Variants in PDE4D observed in about 807,000 individuals in gnomAD.
The protein encoded by PDE4D is phosphodiesterase 4D.
Under a neutral mutation model 87.4 loss-of-function variants are expected in PDE4D, and 24 were observed. That is an observed-to-expected ratio of 0.27 (90% CI 0.20 to 0.39). The LOEUF (loss-of-function observed/expected upper bound fraction) is 0.39, where lower values mean the gene tolerates loss of function less well. Ranked by LOEUF, PDE4D falls within the 10% of genes least tolerant of loss-of-function variation. The probability of loss-of-function intolerance (pLI) is 1.00; values close to 1 mark genes in which losing one functional copy is unlikely to be tolerated. For missense variants in PDE4D, 714 were observed against 1,041.0 expected, an observed-to-expected ratio of 0.69 and a Z score of 4.32; for synonymous variants, 384 against 383.2, an observed-to-expected ratio of 1.00 and a Z score of -0.02.
chr5:59,445,848 T>A lies in PDE4D; in HGVS notation c.456-229880A>T, dbSNP rs561610948. 2.6e-5 allele frequency among the ~76,000 whole-genome samples: 4 copies of A among 152,318 alleles called. No homozygotes were observed. In the East Asian group the frequency reaches 5.8e-4, roughly 22 times the overall value. ...GCCTCACAATATAATTTCTTTTTGA[T>A]GGCTAGAAATACTAAAGAAGAAGAA... On this transcript the variant is annotated intron_variant, in intron 1 of 14. Transcript: ENST00000340635.
chr5:59,807,753 T>C (rs952105442), intron 1 of PDE4D, among the ~76,000 whole-genome samples: 1 of 152,252 alleles, frequency 6.6e-6, no homozygotes, highest in African/African-American at 2.4e-5. Context: ...TAGGCTTAAG[T>C]TGTCAAGGAA....
intron 1 of PDE4D, among the ~76,000 whole-genome samples, chr5:59,360,712 T>C (rs1270330905): frequency 6.6e-6 from 1 of 152,208 alleles, no homozygotes; most frequent in Non-Finnish European, 1.5e-5. Flanking sequence ...TTCTAAACCT[T>C]ATATGAGTCT....
chr5:59,425,719 T>C (rs1033608314), intron 1 of PDE4D, among the ~76,000 whole-genome samples: 47 of 152,316 alleles, frequency 3.1e-4, no homozygotes, highest in Non-Finnish European at 6.0e-4. Flanking sequence ...GTACAGAAAA[T>C]GGGACGTATT....
In PDE4D at chr5:60,061,445, T is replaced by C. The variant is rs142735712; in HGVS notation, c.43-72728A>G. Among the ~76,000 whole-genome samples the C allele has an allele frequency of 7.2e-3, 1,098 of 152,064 alleles. 11 individuals carry two copies. The highest frequency in any genetic ancestry group is 0.025 in the African/African-American group (1,046 of 41,460). ...GGAAATAAGAGAGGACACAAACAAA[T>C]GGAAAAACATCCCATGCTCATGGAT... On this transcript the variant is annotated intron_variant, in intron 2 of 16. Coordinates refer to the PDE4D transcript ENST00000502484.
intron 12 of PDE4D, 127 bp downstream of exon 12, chr5:58,977,064 T>C: frequency 1.2e-6 from 1 of 827,966 alleles, no homozygotes; most frequent in East Asian, 2.5e-5. Context: ...GCAGCTTCTA[T>C]AACATAAAGG....
intron 1 of PDE4D, among the ~76,000 whole-genome samples, chr5:59,599,203 T>C (rs1827134127): frequency 6.6e-6 from 1 of 151,398 alleles, no homozygotes; most frequent in Admixed American, 6.6e-5. Flanking sequence ...TGAGGACATG[T>C]AGTAGATAGC....
At chr5:58,987,888 T>G (rs948643148) in intron 11 of PDE4D, among the ~76,000 whole-genome samples, 7 of 152,184 alleles carry the variant, frequency 4.6e-5, no homozygotes, top group Non-Finnish European at 1.0e-4. Flanking sequence ...CTACACAGGC[T>G]TTCTGTGCGG....
chr5:59,665,589 T>C (rs905970930), intron 1 of PDE4D, among the ~76,000 whole-genome samples: 3 of 152,228 alleles, frequency 2.0e-5, no homozygotes, highest in African/African-American at 7.2e-5. Flanking sequence ...CCAACAATTA[T>C]TGCAGCATAA....
chr5:59,721,946 C>T (rs1755890326), intron 1 of PDE4D, among the ~76,000 whole-genome samples: 1 of 152,148 alleles, frequency 6.6e-6, no homozygotes, highest in African/African-American at 2.4e-5. Context: ...GACAATACAT[C>T]ACAGCCTCGA....
chr5:58,991,874 T>C lies in PDE4D; in HGVS notation c.1146A>G (p.Pro382=). Residue 382 remains proline, a synonymous_variant, in exon 8 of 15, where the codon CCA becomes CCG. Transcript: ENST00000340635. The part of the protein sequence containing the change: ...HSSSLTNSSI[P]RFGVKTEQED... ...CTTGTTCAGTTTTAACTCCAAACCTTGGGATACTTGAATTAGTCAGACTAG... is the reference window on the plus strand; with the variant it reads ...CTTGTTCAGTTTTAACTCCAAACCTCGGGATACTTGAATTAGTCAGACTAG... 1 of 1,569,708 alleles carries C rather than the reference T, an allele frequency of 6.4e-7. No homozygotes were observed. The highest frequency in any genetic ancestry group is 8.6e-7 in the Non-Finnish European group (1 of 1,160,468).
chr5:60,402,670 G>T (rs928870081), intron 1 of PDE4D, among the ~76,000 whole-genome samples: 1 of 152,202 alleles, frequency 6.6e-6, no homozygotes, highest in Non-Finnish European at 1.5e-5. Flanking sequence ...CAGTTTTGAA[G>T]ATCACGTTTG....
intron 1 of PDE4D, among the ~76,000 whole-genome samples, chr5:59,411,515 C>A (rs368599210): frequency 1.8e-4 from 28 of 152,250 alleles, no homozygotes; most frequent in African/African-American, 6.7e-4. Flanking sequence ...AGATCAAAGG[C>A]GTCAACAGGT....
chr5:59,311,142 T>C (rs1772501768), intron 1 of PDE4D, among the ~76,000 whole-genome samples: 2 of 152,034 alleles, frequency 1.3e-5, no homozygotes, highest in African/African-American at 4.8e-5. Flanking sequence ...GGGTTAGTGG[T>C]ACCTGGTAAT....
At chr5:59,379,581 C>T (rs912671933) in intron 1 of PDE4D, among the ~76,000 whole-genome samples, 6 of 151,950 alleles carry the variant, frequency 3.9e-5, no homozygotes, top group African/African-American at 1.4e-4. Context: ...TACTATAAGC[C>T]ATTTTCTCTA....
chr5:59,184,436 G>C (rs1255758369), intron 4 of PDE4D, among the ~76,000 whole-genome samples: 1 of 151,992 alleles, frequency 6.6e-6, no homozygotes, highest in Non-Finnish European at 1.5e-5. Context: ...ACTTAGGTAA[G>C]TTATAGTTCC....
At chr5:59,975,841 C>T (rs377450637) in intron 3 of PDE4D, among the ~76,000 whole-genome samples, 1 of 152,342 alleles carries the variant, frequency 6.6e-6, no homozygotes, top group East Asian at 1.9e-4. Flanking sequence ...GCTGTTCTCT[C>T]TTCCTGGAAC....
intron 5 of PDE4D, among the ~76,000 whole-genome samples, chr5:59,163,516 C>T (rs1781470630): frequency 6.6e-6 from 1 of 151,956 alleles, no homozygotes; most frequent in South Asian, 2.1e-4. Flanking sequence ...GGTGATCCGC[C>T]CCTCCTTGGC....
intron 1 of PDE4D, among the ~76,000 whole-genome samples, chr5:59,445,944 T>C (rs1798279985): frequency 6.6e-6 from 1 of 152,180 alleles, no homozygotes; most frequent in African/African-American, 2.4e-5. Flanking sequence ...TACCTGAGTG[T>C]TGAGTAGCTA....
chr5:59,894,189 G>C (rs1383887358), upstream of PDE4D, among the ~76,000 whole-genome samples: 2 of 151,998 alleles, frequency 1.3e-5, no homozygotes, highest in African/African-American at 4.8e-5. Flanking sequence ...CCGTGCCCGC[G>C]CCTCCCTCCT....
Sources: gnomAD v4.1 joint callset for allele counts (sites outside exome capture counted in the v4.1 genomes callset) on GRCh38, gnomAD v4.1.1 for gene constraint, MANE v1.5 for transcripts, NCBI Gene and HGNC (gene_info 2026-07-23, HGNC 2026-07-21) for gene names.